Variants in HFM1 observed in about 807,000 individuals in gnomAD.
HFM1 encodes the protein probable ATP-dependent DNA helicase HFM1.
In HFM1, 169 loss-of-function variants were observed where a neutral mutation model predicts 192.1. The ratio of observed to expected loss-of-function variants is 0.88; its 90% CI spans 0.78 to 1.00. The LOEUF is 1.00. HFM1 is among the 50% of genes least tolerant of loss of function. HFM1 has a pLI of 0.00. For missense variants in HFM1, 1,661 were observed against 1,668.0 expected, an observed-to-expected ratio of 1.00 and a Z score of 0.07; for synonymous variants, 525 against 537.8, an observed-to-expected ratio of 0.98 and a Z score of 0.33.
intron 30 of HFM1, among the ~76,000 whole-genome samples, chr1:91,282,827 T>C (rs1465703375): frequency 2.0e-5 from 3 of 152,186 alleles, no homozygotes; most frequent in Non-Finnish European, 4.4e-5. Context: ...AAGAGTTGCC[T>C]TTGGGTCTTA....
At chr1:91,311,696 G>A (rs550977495) in intron 30 of HFM1, among the ~76,000 whole-genome samples, 1 of 152,302 alleles carries the variant, frequency 6.6e-6, no homozygotes, top group East Asian at 1.9e-4. Flanking sequence ...ATTTGCTGGG[G>A]AGAAATTCAT....
At chr1:91,378,335 CT>C in intron 10 of HFM1, 67 bp downstream of exon 10, 1 of 1,377,286 alleles carries the variant, frequency 7.3e-7, no homozygotes, top group Non-Finnish European at 1.0e-6. Context: ...GTTGCAATGT[CT>C]TTTTTCTTTC....
intron 13 of HFM1, among the ~76,000 whole-genome samples, chr1:91,359,834 G>A (rs989794519): frequency 6.6e-6 from 1 of 152,140 alleles, no homozygotes; most frequent in Non-Finnish European, 1.5e-5. Flanking sequence ...ATTCTCCAAC[G>A]TTGAAATGAA....
chr1:91,296,953 T>G (rs1557803222), intron 30 of HFM1, among the ~76,000 whole-genome samples: 1 of 152,190 alleles, frequency 6.6e-6, no homozygotes, highest in Non-Finnish European at 1.5e-5. Flanking sequence ...TGCAGGACAG[T>G]GGGTGCAGTG....
At chr1:91,370,007 C>T (rs1433073531) in intron 13 of HFM1, among the ~76,000 whole-genome samples, 1 of 152,004 alleles carries the variant, frequency 6.6e-6, no homozygotes, top group Non-Finnish European at 1.5e-5. Context: ...TGGATAAATT[C>T]CTCAACACAT....
chr1:91,292,956 G>T (rs567099294), intron 30 of HFM1, among the ~76,000 whole-genome samples: 2 of 152,216 alleles, frequency 1.3e-5, no homozygotes, highest in Admixed American at 1.3e-4. Context: ...ATGGGGAAAG[G>T]ATTCCCTATT....
At chr1:91,342,426 T>C (rs1223431908) in intron 20 of HFM1, among the ~76,000 whole-genome samples, 1 of 152,188 alleles carries the variant, frequency 6.6e-6, no homozygotes, top group East Asian at 1.9e-4. Flanking sequence ...GCCCTCCCTA[T>C]ACCTAAAGAA....
At chr1:91,290,895 T>A (rs186159492) in intron 30 of HFM1, among the ~76,000 whole-genome samples, 1 of 152,230 alleles carries the variant, frequency 6.6e-6, no homozygotes, top group Admixed American at 6.5e-5. Flanking sequence ...GGATTAAGAA[T>A]CTCATTCAGA....
At chr1:91,403,650 C>T (rs375330322) in intron 1 of HFM1, among the ~76,000 whole-genome samples, 5 of 152,024 alleles carry the variant, frequency 3.3e-5, no homozygotes, top group South Asian at 2.1e-4. Flanking sequence ...AATTAGATTG[C>T]CAAACACAAT....
chr1:91,401,443 G>T (rs1664298036), intron 1 of HFM1, among the ~76,000 whole-genome samples: 1 of 152,158 alleles, frequency 6.6e-6, no homozygotes, highest in South Asian at 2.1e-4. Flanking sequence ...TTCTGAATTT[G>T]TCTTCTTCCT....
In HFM1 at chr1:91,332,252, C is replaced by G. The variant is rs556727363; in HGVS notation, c.2336-7486G>C. On this transcript the variant is annotated intron_variant, in intron 20 of 38. Transcript: ENST00000370425. Reference sequence around the variant, plus strand: ...AAACAATATGGTACTGGCATAAAAACAGACACATCAATCAATGGAACAGAA... The same window carrying G: ...AAACAATATGGTACTGGCATAAAAAGAGACACATCAATCAATGGAACAGAA... Among the ~76,000 whole-genome samples the G allele has an allele frequency of 9.2e-5, 14 of 152,228 alleles. No individual in the cohort carries two copies. The South Asian group carries it at 2.9e-3, about 32-fold the overall frequency.
chr1:91,370,689 G>T (rs1361833786), intron 13 of HFM1, among the ~76,000 whole-genome samples: 4 of 152,222 alleles, frequency 2.6e-5, no homozygotes, highest in Non-Finnish European at 4.4e-5. Context: ...ACAAGATAGG[G>T]ATGCCCTCTC....
intron 13 of HFM1, among the ~76,000 whole-genome samples, chr1:91,358,024 G>GC (rs1657979109): frequency 6.6e-6 from 1 of 152,118 alleles, no homozygotes; most frequent in South Asian, 2.1e-4. Flanking sequence ...ACTACCCAAA[G>GC]AAGTACAGAT....
chr1:91,290,839 A>G (rs1372668555), intron 30 of HFM1, among the ~76,000 whole-genome samples: 2 of 152,306 alleles, frequency 1.3e-5, no homozygotes, highest in South Asian at 4.2e-4. Context: ...AACAGAAATT[A>G]TAACAAACTA....
In HFM1 at chr1:91,260,999, A is replaced by G. The variant is rs1393676525; in HGVS notation, c.*291T>C. The G allele has an allele frequency of 9.9e-6, 2 of 202,402 alleles. No individual in the cohort carries two copies. The highest frequency in any genetic ancestry group is 1.0e-5 in the Non-Finnish European group (1 of 99,516). The allele number at this position is 202,402 out of a possible 1,614,324, so 12.5% of individuals were successfully genotyped here. A position where few individuals can be genotyped will look rare whatever the true frequency, so the allele number is the denominator to read the frequency against. ...TTACATTGGTTCTTGTCAAAATCCA[A>G]TTAATAGCCAAATAATTATTTCTAA... On this transcript the variant is annotated 3_prime_UTR_variant, in exon 39 of 39. Coordinates refer to ENST00000370425, the MANE Select transcript of HFM1 (RefSeq NM_001017975.6).
intron 13 of HFM1, among the ~76,000 whole-genome samples, chr1:91,374,645 A>G (rs1182451404): frequency 6.6e-6 from 1 of 152,152 alleles, no homozygotes; most frequent in Non-Finnish European, 1.5e-5. Flanking sequence ...GATGGGGAAC[A>G]CTGGAGAAGG....
chr1:91,402,759 C>T (rs1664439489), intron 1 of HFM1, among the ~76,000 whole-genome samples: 1 of 151,982 alleles, frequency 6.6e-6, no homozygotes, highest in Non-Finnish European at 1.5e-5. Flanking sequence ...TAAAATAAAC[C>T]TCACCAGACC....
At chr1:91,311,585 C>T (rs1650460714) in intron 30 of HFM1, among the ~76,000 whole-genome samples, 1 of 150,980 alleles carries the variant, frequency 6.6e-6, no homozygotes, top group Non-Finnish European at 1.5e-5. Flanking sequence ...GAGATCGTGC[C>T]ACTGCACTCC....
intron 4 of HFM1, among the ~76,000 whole-genome samples, chr1:91,390,341 C>T (rs1022732493): frequency 1.3e-5 from 2 of 150,830 alleles, no homozygotes; most frequent in African/African-American, 4.9e-5. Flanking sequence ...GAGGCTGAGG[C>T]AGGAGAATTG....
Sources: allele counts gnomAD v4.1 joint callset (sites outside exome capture counted in the v4.1 genomes callset), GRCh38; gene constraint gnomAD v4.1.1; transcripts MANE v1.5; gene names NCBI Gene and HGNC (gene_info 2026-07-23, HGNC 2026-07-21).